Variants in ADAMTS12 observed in about 807,000 individuals in gnomAD.
ADAMTS12 encodes A disintegrin and metalloproteinase with thrombospondin motifs 12.
In ADAMTS12, 118 loss-of-function variants were observed where a neutral mutation model predicts 167.8. The ratio of observed to expected loss-of-function variants is 0.70; its 90% CI spans 0.61 to 0.82. The LOEUF (loss-of-function observed/expected upper bound fraction) is 0.82, where lower values mean the gene tolerates loss of function less well. Among genes scored for constraint, ADAMTS12 ranks in the 40% least tolerant of loss-of-function variants. ADAMTS12 has a pLI of 0.00. For synonymous variants in ADAMTS12, 704 were observed against 716.9 expected, an observed-to-expected ratio of 0.98 and a Z score of 0.29; for missense variants, 1,916 against 1,998.8, an observed-to-expected ratio of 0.96 and a Z score of 0.79.
chr5:33,653,701 G>T (rs553826862), intron 7 of ADAMTS12, among the ~76,000 whole-genome samples: 1 of 152,166 alleles, frequency 6.6e-6, no homozygotes, highest in East Asian at 1.9e-4. Context: ...TATAGATGGG[G>T]TATCCTTTCT....
intron 3 of ADAMTS12, among the ~76,000 whole-genome samples, chr5:33,730,700 C>T (rs1744162369): frequency 6.6e-6 from 1 of 152,174 alleles, no homozygotes; most frequent in Non-Finnish European, 1.5e-5. Flanking sequence ...GTTAGGATTG[C>T]TTCATTGGAA....
At chr5:33,656,504 T>C (rs1388805404) in intron 7 of ADAMTS12, among the ~76,000 whole-genome samples, 2 of 152,214 alleles carry the variant, frequency 1.3e-5, no homozygotes, top group Non-Finnish European at 2.9e-5. Flanking sequence ...TAACATATTC[T>C]TGTTACAAGA....
chr5:33,847,940 T>C (rs765894054), intron 2 of ADAMTS12, among the ~76,000 whole-genome samples: 2 of 151,804 alleles, frequency 1.3e-5, no homozygotes. Flanking sequence ...AATGGCCAGG[T>C]GCAGTGGCTT....
At position 33,834,744 on chromosome 5, in the gene ADAMTS12, T is replaced by G. The variant is rs1748441360; in HGVS notation, c.489+46375A>C. 2.0e-5 allele frequency among the ~76,000 whole-genome samples: 3 copies of G among 152,348 alleles called. No individual in the cohort carries two copies. The South Asian group carries it at 6.2e-4, about 32-fold the overall frequency. On this transcript the variant is annotated intron_variant, in intron 2 of 23. Coordinates refer to ENST00000504830, the MANE Select transcript of ADAMTS12 (RefSeq NM_030955.4). ...TTTAGGACAGATGTCCCTAGTTTCC[T>G]GGAGGATTAGGACACTGTGTTCTAT...
chr5:33,732,105 A>C (rs980140409), intron 3 of ADAMTS12, among the ~76,000 whole-genome samples: 1 of 152,210 alleles, frequency 6.6e-6, no homozygotes, highest in South Asian at 2.1e-4. Flanking sequence ...GCGCAGGCTG[A>C]GCAGAATAGG....
intron 5 of ADAMTS12, among the ~76,000 whole-genome samples, chr5:33,681,869 A>T (rs1742132837): frequency 1.3e-5 from 2 of 152,198 alleles, no homozygotes; most frequent in African/African-American, 4.8e-5. Context: ...AGGTAGATGG[A>T]GGAAAGATCA....
chr5:33,552,890 A>C (rs1006007205), intron 20 of ADAMTS12, among the ~76,000 whole-genome samples: 9 of 152,238 alleles, frequency 5.9e-5, no homozygotes, highest in African/African-American at 1.9e-4. Flanking sequence ...CCTGTACAGC[A>C]AAAGAAACTA....
chr5:33,750,224 G>T (rs1744928176), intron 3 of ADAMTS12, among the ~76,000 whole-genome samples: 1 of 152,214 alleles, frequency 6.6e-6, no homozygotes. Context: ...TAGCCAGCAA[G>T]TTATCTAATT....
chr5:33,671,452 G>C (rs1010524560), intron 5 of ADAMTS12, among the ~76,000 whole-genome samples: 2 of 152,144 alleles, frequency 1.3e-5, no homozygotes, highest in Non-Finnish European at 2.9e-5. Context: ...GAATTTCTCT[G>C]TACTATTTCT....
chr5:33,632,338 C>T (rs535648081), intron 12 of ADAMTS12, among the ~76,000 whole-genome samples: 1 of 152,070 alleles, frequency 6.6e-6, no homozygotes, highest in Non-Finnish European at 1.5e-5. Context: ...ACCCCAATCC[C>T]TACCATTATG....
At chr5:33,731,331 GTA>G (rs1186908700) in intron 3 of ADAMTS12, among the ~76,000 whole-genome samples, 10 of 151,834 alleles carry the variant, frequency 6.6e-5, no homozygotes, top group Admixed American at 1.3e-4. Flanking sequence ...GATTACAGGT[GTA>G]AGCCACTGCA....
chr5:33,876,919 C>T lies in ADAMTS12; in HGVS notation c.489+4200G>A, dbSNP rs148837587. On this transcript the variant is annotated intron_variant, in intron 2 of 23. Transcript: ENST00000504830. ...TCTTACAAATGTTATGAATCTACAA[C>T]TATTCCAAAATAAAAAGTTTAACAT... 8.5e-5 allele frequency among the ~76,000 whole-genome samples: 13 copies of T among 152,298 alleles called. No homozygotes were observed. The East Asian group carries it at 2.5e-3, about 29-fold the overall frequency.
intron 1 of ADAMTS12, among the ~76,000 whole-genome samples, chr5:33,884,570 G>T (rs1247654659): frequency 1.3e-5 from 2 of 152,158 alleles, no homozygotes; most frequent in East Asian, 1.9e-4. Flanking sequence ...GGGCACAGTA[G>T]GGGGGATGAA....
chr5:33,645,757 G>A (rs1012693559), intron 9 of ADAMTS12, among the ~76,000 whole-genome samples: 7 of 151,728 alleles, frequency 4.6e-5, no homozygotes, highest in Admixed American at 3.9e-4. Flanking sequence ...GGTATTTTAG[G>A]GTGTTGTTAA....
At chr5:33,654,653 C>A (rs1442878773) in intron 7 of ADAMTS12, among the ~76,000 whole-genome samples, 2 of 152,186 alleles carry the variant, frequency 1.3e-5, no homozygotes, top group African/African-American at 4.8e-5. Context: ...CTTTTTGACA[C>A]TACCCAAGTA....
chr5:33,825,438 A>C (rs1748027828), intron 2 of ADAMTS12, among the ~76,000 whole-genome samples: 1 of 152,212 alleles, frequency 6.6e-6, no homozygotes, highest in African/African-American at 2.4e-5. Context: ...AGATTTAGTC[A>C]GTGGCCAAAG....
At chr5:33,581,340 G>A (rs1158947903) in intron 18 of ADAMTS12, among the ~76,000 whole-genome samples, 1 of 152,068 alleles carries the variant, frequency 6.6e-6, no homozygotes, top group East Asian at 1.9e-4. Context: ...TGCTCTTTGG[G>A]AGTCATTTTG....
intron 14 of ADAMTS12, among the ~76,000 whole-genome samples, chr5:33,617,324 T>A (rs1739075137): frequency 6.6e-6 from 1 of 152,132 alleles, no homozygotes; most frequent in Non-Finnish European, 1.5e-5. Flanking sequence ...AAGCCCTTCC[T>A]CTTTGTCACC....
chr5:33,708,973 A>G (rs1174187901), intron 3 of ADAMTS12, among the ~76,000 whole-genome samples: 3 of 152,038 alleles, frequency 2.0e-5, no homozygotes, highest in Non-Finnish European at 4.4e-5. Context: ...AAAACAAATA[A>G]AAAACAAAAC....
Sources: gnomAD v4.1 joint callset for allele counts (sites outside exome capture counted in the v4.1 genomes callset) on GRCh38, gnomAD v4.1.1 for gene constraint, MANE v1.5 for transcripts, NCBI Gene and HGNC (gene_info 2026-07-23, HGNC 2026-07-21) for gene names.